Variants in BTAF1 observed in about 807,000 individuals in gnomAD.
BTAF1 encodes TATA-binding protein-associated factor 172.
Under a neutral mutation model 227.1 loss-of-function variants are expected in BTAF1, and 38 were observed. The observed-to-expected ratio is 0.17, with a 90% CI of 0.13 to 0.22. BTAF1 has a LOEUF of 0.22. Among genes scored for constraint, BTAF1 ranks in the 10% least tolerant of loss-of-function variants. BTAF1 has a pLI of 1.00. For synonymous variants in BTAF1, 742 were observed against 751.9 expected (o/e 0.99, Z 0.21); for missense variants, 1,598 against 2,204.0 (o/e 0.73, Z 5.51).
In BTAF1 at chr10:91,994,544, C is replaced by A; in HGVS notation, c.3209C>A (p.Ser1070Tyr). The A allele has an allele frequency of 1.2e-6, 2 of 1,609,024 alleles. No homozygotes were observed. Among genetic ancestry groups the A allele is most frequent in the Non-Finnish European group, 8.5e-7 (1 of 1,177,140 alleles). Reference sequence around the variant, plus strand: ...CAATATATTTTAACAGATGGAAAATCCCTCCTGGATAAGGGAGATAGCCCT... The same window carrying A: ...CAATATATTTTAACAGATGGAAAATACCTCCTGGATAAGGGAGATAGCCCT... Reference protein sequence around the residue: ...TIDINNFDGKSLLDKGDSPAQ... With the variant: ...TIDINNFDGKYLLDKGDSPAQ... The change falls in exon 23 of 38, where the codon TCC (serine) becomes TAC (tyrosine). Residue 1070 changes from serine (S) to tyrosine (Y), a missense_variant. Ser to Tyr is a moderately radical substitution (Grantham distance 144, BLOSUM62 -2). Around this residue, in one of 10 missense-constraint regions of BTAF1, gnomAD observed 425 missense variants for 491.2 expected, o/e 0.87. Coordinates refer to ENST00000265990, the MANE Select transcript of BTAF1 (RefSeq NM_003972.3).
intron 33 of BTAF1, among the ~76,000 whole-genome samples, chr10:92,018,090 AT>A (rs1422593968): frequency 2.0e-5 from 3 of 150,382 alleles, no homozygotes; most frequent in East Asian, 2.0e-4. Context: ...GTCCTCAAGA[AT>A]TTTTTTTTTA....
rs1851847897 is a variant in BTAF1, at chr10:92,030,838, A to G, written c.*1905A>G. On this transcript the variant is annotated 3_prime_UTR_variant, in exon 38 of 38. Coordinates refer to ENST00000265990, the MANE Select transcript of BTAF1 (RefSeq NM_003972.3). ...TTTGAGTTGTAAAATAGTAAATCAC[A>G]CATTCCAACTTTTCCATAGAAAGGA... Among the ~76,000 whole-genome samples the G allele has an allele frequency of 6.6e-6, 1 of 152,216 alleles. No homozygotes were observed. The highest frequency in any genetic ancestry group is 2.1e-4 in the South Asian group (1 of 4,834).
chr10:91,967,653 G>T (rs574065337), intron 14 of BTAF1, among the ~76,000 whole-genome samples: 56 of 152,266 alleles, frequency 3.7e-4, no homozygotes, highest in African/African-American at 1.3e-3. Flanking sequence ...GATTTTGTCT[G>T]ATCCAAATCT....
rs1005315294 is a variant in BTAF1 at position 92,029,206 on chromosome 10, C to T, written c.*273C>T. 1 of 266,332 alleles carries T rather than the reference C, an allele frequency of 3.8e-6. No homozygotes were observed. The allele number at this position is 266,332 out of a possible 1,614,324, so 16.5% of individuals were successfully genotyped here. ...ACCAAACCAGGTTTATTTGTGCTAC[C>T]AGGAGGTGTTCTTAATGGGAACAGG... On this transcript the variant is annotated 3_prime_UTR_variant, in exon 38 of 38. Transcript: ENST00000265990.
At chr10:91,983,530 G>A (rs1309239351) in intron 18 of BTAF1, among the ~76,000 whole-genome samples, 1 of 152,226 alleles carries the variant, frequency 6.6e-6, no homozygotes, top group African/African-American at 2.4e-5. Context: ...GGCAGGAGTT[G>A]GTGTGCTGGA....
intron 25 of BTAF1, among the ~76,000 whole-genome samples, chr10:92,004,667 C>T (rs1471566355): frequency 3.3e-5 from 5 of 152,028 alleles, no homozygotes; most frequent in Admixed American, 6.6e-5. Flanking sequence ...TGGGATCTCC[C>T]TCTGTTTACC....
chr10:91,966,830 T>A lies in BTAF1; in HGVS notation c.1650+73T>A, dbSNP rs929387589. ...TTATAAAATAAACCTGGTCTTTAGC[T>A]TACCCTTGCTGTATATCCAAAGATC... On this transcript the variant is annotated intron_variant, in intron 14 of 37. Coordinates refer to ENST00000265990, the MANE Select transcript of BTAF1 (RefSeq NM_003972.3). The A allele has an allele frequency of 2.1e-6, 3 of 1,415,726 alleles. No individual in the cohort carries two copies. In the African/African-American group the frequency reaches 4.3e-5, roughly 20 times the overall value. The allele number at this position is 1,415,726 out of a possible 1,614,324, so 87.7% of individuals were successfully genotyped here.
intron 14 of BTAF1, among the ~76,000 whole-genome samples, chr10:91,973,173 G>T (rs1175523227): frequency 2.0e-5 from 3 of 152,168 alleles, no homozygotes; most frequent in Non-Finnish European, 4.4e-5. Context: ...CCGTTAAATA[G>T]AGCTTTTTAT....
At chr10:91,945,226 A>G (rs1490425883) in intron 4 of BTAF1, among the ~76,000 whole-genome samples, 1 of 152,104 alleles carries the variant, frequency 6.6e-6, no homozygotes, top group Non-Finnish European at 1.5e-5. Context: ...ATGACAGCGT[A>G]TATCAGTACT....
chr10:91,974,744 C>G (rs1051438627), intron 14 of BTAF1, among the ~76,000 whole-genome samples: 1 of 151,938 alleles, frequency 6.6e-6, no homozygotes, highest in Non-Finnish European at 1.5e-5. Flanking sequence ...CCCTGCTATT[C>G]GGGAGGTTGA....
intron 14 of BTAF1, among the ~76,000 whole-genome samples, chr10:91,977,282 GA>G (rs971872379): frequency 1.3e-5 from 2 of 152,134 alleles, no homozygotes; most frequent in African/African-American, 4.8e-5. Context: ...ATCAGAGGAA[GA>G]AACGCCATTT....
intron 32 of BTAF1, 145 bp from the exon 33 acceptor site, chr10:92,016,195 T>C: frequency 1.1e-6 from 1 of 892,656 alleles, no homozygotes; most frequent in Non-Finnish European, 1.6e-6. Context: ...CTGTAATTCC[T>C]GTAGTGAATT....
intron 26 of BTAF1, among the ~76,000 whole-genome samples, chr10:92,008,508 T>TA (rs1850091271): frequency 6.9e-6 from 1 of 144,186 alleles, no homozygotes; most frequent in South Asian, 2.2e-4. Flanking sequence ...TATGGCCAGC[T>TA]AGTTTTTTTT....
At chr10:91,981,867 T>C (rs1201212181) in intron 16 of BTAF1, 75 bp downstream of exon 16, 1 of 1,472,832 alleles carries the variant, frequency 6.8e-7, no homozygotes. Flanking sequence ...TTTTTAAAAA[T>C]CTGTATTGCC....
chr10:91,931,261 T>C (rs1844258153), intron 1 of BTAF1, among the ~76,000 whole-genome samples: 1 of 152,204 alleles, frequency 6.6e-6, no homozygotes, highest in Admixed American at 6.5e-5. Flanking sequence ...ATATCTTGTT[T>C]AGCTAATTCT....
At chr10:91,991,292 A>ATATATATATATATATATATATATAT (rs1848736961) in intron 20 of BTAF1, among the ~76,000 whole-genome samples, 1 of 137,462 alleles carries the variant, frequency 7.3e-6, no homozygotes, top group Non-Finnish European at 1.6e-5. Context: ...ATATATATAT[A>ATATATATATATATATATATATATAT]AATTATCCGG....
Position 91,971,292 on chromosome 10 carries a change from T to C in BTAF1, c.1650+4535T>C, listed in dbSNP as rs549064483. On this transcript the variant is annotated intron_variant, in intron 14 of 37. Coordinates refer to ENST00000265990, the MANE Select transcript of BTAF1 (RefSeq NM_003972.3). ...GAAACTTAATATTGGTGCTTCCAGA[T>C]TTTGTGCTTTGTCACTGCCCTGATC... Among the ~76,000 whole-genome samples the C allele has an allele frequency of 5.3e-5, 8 of 152,302 alleles. No individual in the cohort carries two copies. The South Asian group carries it at 1.7e-3, about 32-fold the overall frequency.
At position 91,992,257 on chromosome 10, in the gene BTAF1, TAGC is replaced by T. The variant is rs1848841252; in HGVS notation, c.2996_2998del (p.Ala999del). The T allele has an allele frequency of 6.2e-7, 1 of 1,613,106 alleles. No individual in the cohort carries two copies. Among genetic ancestry groups the T allele is most frequent in the African/African-American group, 1.3e-5 (1 of 74,700 alleles). ...ACCCCCAAAGCAGTAAAAGCTCAAATAGCAGATCTTCCTGCAGGAAGTAGTGGA... is the reference window on the plus strand; with the variant it reads ...ACCCCCAAAGCAGTAAAAGCTCAAATAGATCTTCCTGCAGGAAGTAGTGGA... On this transcript the variant is annotated inframe_deletion, in exon 21 of 38. Coordinates refer to ENST00000265990, the MANE Select transcript of BTAF1 (RefSeq NM_003972.3).
intron 14 of BTAF1, among the ~76,000 whole-genome samples, chr10:91,971,090 C>CT (rs1421375669): frequency 6.6e-6 from 1 of 152,202 alleles, no homozygotes; most frequent in African/African-American, 2.4e-5. Flanking sequence ...GTTTGTGGTC[C>CT]TTTTTTGTTG....
Sources: allele counts gnomAD v4.1 joint callset (sites outside exome capture counted in the v4.1 genomes callset), GRCh38; gene constraint gnomAD v4.1.1; regional missense constraint gnomAD v4.1.1; transcripts MANE v1.5; gene names NCBI Gene and HGNC (gene_info 2026-07-23, HGNC 2026-07-21).